Variants in DAB1 observed in about 807,000 individuals in gnomAD.
DAB1 encodes the protein disabled homolog 1.
Under a neutral mutation model 64.6 loss-of-function variants are expected in DAB1, and 15 were observed. The observed-to-expected ratio is 0.23, with a 90% CI of 0.16 to 0.36. DAB1 has a LOEUF of 0.36. Ranked by LOEUF, DAB1 falls within the 10% of genes least tolerant of loss-of-function variation. DAB1 has a pLI of 1.00. For missense variants in DAB1, 596 were observed against 706.7 expected (o/e 0.84, Z 1.78); for synonymous variants, 235 against 251.9 (o/e 0.93, Z 0.64).
rs374859401 is a variant in DAB1 at position 57,711,098 on chromosome 1, T to C, written n.552-61433A>G. ...TTGTGACCTCAGGAATAATGGCTGGTAATCATTTATCTCTACACCTTAGCA... is the reference window on the plus strand; with the variant it reads ...TTGTGACCTCAGGAATAATGGCTGGCAATCATTTATCTCTACACCTTAGCA... On this transcript the variant is annotated intron_variant and non_coding_transcript_variant, in intron 6 of 20. Coordinates refer to the DAB1 transcript ENST00000485760. 2.0e-3 allele frequency among the ~76,000 whole-genome samples: 300 copies of C among 152,334 alleles called. 2 individuals are homozygous for C. The highest frequency in any genetic ancestry group is 5.8e-3 in the African/African-American group (242 of 41,584).
chr1:58,116,834 G>A (rs1241225118), intron 5 of DAB1, among the ~76,000 whole-genome samples: 1 of 151,960 alleles, frequency 6.6e-6, no homozygotes, highest in African/African-American at 2.4e-5. Flanking sequence ...AGCTGCCAGG[G>A]CAAAAAAGAA....
intron 8 of DAB1, among the ~76,000 whole-genome samples, chr1:57,063,453 A>C (rs1164491891): frequency 6.6e-6 from 1 of 152,116 alleles, no homozygotes; most frequent in Non-Finnish European, 1.5e-5. Flanking sequence ...ATAATTATGG[A>C]AGGTTTTCAT....
intron 2 of DAB1, among the ~76,000 whole-genome samples, chr1:57,257,970 T>C (rs1448874030): frequency 1.3e-5 from 2 of 152,212 alleles, no homozygotes; most frequent in Non-Finnish European, 2.9e-5. Flanking sequence ...TAATCACACC[T>C]GCAATATCCC....
At chr1:58,433,350 A>G (rs570948111) in intron 3 of DAB1, among the ~76,000 whole-genome samples, 156 of 152,236 alleles carry the variant, frequency 1.0e-3, no homozygotes, top group African/African-American at 3.5e-3. Flanking sequence ...AGAGGATGAC[A>G]TTTGAGAAGA....
At chr1:58,088,573 C>G (rs1347822878) in intron 5 of DAB1, among the ~76,000 whole-genome samples, 2 of 151,924 alleles carry the variant, frequency 1.3e-5, no homozygotes, top group Non-Finnish European at 2.9e-5. Context: ...GAGACCCATT[C>G]AGAAAAAATA....
At chr1:58,408,234 T>G (rs338911) in intron 3 of DAB1, among the ~76,000 whole-genome samples, 59,719 of 151,620 alleles carry the variant, frequency 0.39, 12,587 homozygotes, top group African/African-American at 0.56. Flanking sequence ...CGGGACCTTT[T>G]CACCTGCTCT....
chr1:58,036,531 C>T (rs756953887), intron 5 of DAB1, among the ~76,000 whole-genome samples: 1 of 152,196 alleles, frequency 6.6e-6, no homozygotes, highest in Admixed American at 6.5e-5. Context: ...TATCACAATC[C>T]ACCAAAGGCC....
intron 4 of DAB1, among the ~76,000 whole-genome samples, chr1:58,254,057 A>C (rs1364256963): frequency 1.3e-5 from 2 of 152,188 alleles, no homozygotes; most frequent in African/African-American, 4.8e-5. Context: ...GCCCTAGAGT[A>C]ACTTATAAAC....
intron 2 of DAB1, among the ~76,000 whole-genome samples, chr1:57,287,666 G>A (rs923184855): frequency 2.6e-5 from 4 of 152,076 alleles, no homozygotes; most frequent in Non-Finnish European, 5.9e-5. Flanking sequence ...TCCTTTTAAA[G>A]TTGTATTAAT....
rs541423963 is a variant in DAB1, at chr1:58,223,479, C to T, written n.310-72891G>A. Among the ~76,000 whole-genome samples, 8 of 152,292 alleles carry T rather than the reference C, an allele frequency of 5.3e-5. No homozygotes were observed. In the South Asian group the frequency reaches 1.0e-3, roughly 20 times the overall value. On this transcript the variant is annotated intron_variant and non_coding_transcript_variant, in intron 4 of 20. Coordinates refer to the DAB1 transcript ENST00000485760. ...TCCAGTCTCTGCTTAAAGAAGGTGA[C>T]GTTCCAATTACAAATTTCCTGAGAA... is the stretch of plus-strand genomic sequence containing the variant.
intron 5 of DAB1, among the ~76,000 whole-genome samples, chr1:57,902,501 G>A (rs1032257794): frequency 6.6e-6 from 1 of 152,034 alleles, no homozygotes; most frequent in East Asian, 1.9e-4. Flanking sequence ...TCTCAATAAC[G>A]TCCTTTCAGC....
intron 5 of DAB1, among the ~76,000 whole-genome samples, chr1:58,006,313 G>T (rs1451875371): frequency 6.6e-6 from 1 of 152,166 alleles, no homozygotes; most frequent in Admixed American, 6.5e-5. Context: ...TTCCTCATGG[G>T]TAAAAGCAGA....
chr1:57,841,720 G>A (rs114999053), intron 1 of DAB1, among the ~76,000 whole-genome samples: 9,612 of 152,260 alleles, frequency 0.063, 416 homozygotes, highest in Non-Finnish European at 0.09. Flanking sequence ...ATGGAGCAGC[G>A]GAGCCCTGGG....
intron 4 of DAB1, among the ~76,000 whole-genome samples, chr1:58,258,438 C>T (rs917726856): frequency 2.0e-5 from 3 of 152,178 alleles, no homozygotes; most frequent in Non-Finnish European, 4.4e-5. Flanking sequence ...CTTTGAATGG[C>T]ACAGACGAAA....
At chr1:58,033,457 C>T (rs1222876489) in intron 5 of DAB1, among the ~76,000 whole-genome samples, 2 of 152,192 alleles carry the variant, frequency 1.3e-5, no homozygotes, top group African/African-American at 4.8e-5. Flanking sequence ...ATCACTTACC[C>T]TGTTTTGAAT....
intron 4 of DAB1, among the ~76,000 whole-genome samples, chr1:58,287,509 T>C (rs1411277130): frequency 6.6e-6 from 1 of 152,046 alleles, no homozygotes; most frequent in African/African-American, 2.4e-5. Flanking sequence ...GCTCTCATGG[T>C]TCGCAGTTGA....
At chr1:57,146,802 C>T (rs1196690601) in intron 2 of DAB1, among the ~76,000 whole-genome samples, 1 of 152,036 alleles carries the variant, frequency 6.6e-6, no homozygotes, top group African/African-American at 2.4e-5. Flanking sequence ...TTGCATTACG[C>T]TAAGTGTGTA....
downstream of DAB1, among the ~76,000 whole-genome samples, chr1:57,824,217 T>C (rs570346813): frequency 1.3e-5 from 2 of 152,258 alleles, no homozygotes; most frequent in Non-Finnish European, 2.9e-5. Context: ...AAGCCAGGAT[T>C]TGAAGCTTGG....
chr1:58,238,400 C>T lies in DAB1; in HGVS notation n.310-87812G>A, dbSNP rs189984419. Reference sequence around the variant, plus strand: ...ATTGGGGGAGAAGGGACAGCAGGTACAGAGAATAGAGACATGGGAGAGCAG... The same window carrying T: ...ATTGGGGGAGAAGGGACAGCAGGTATAGAGAATAGAGACATGGGAGAGCAG... On this transcript the variant is annotated intron_variant and non_coding_transcript_variant, in intron 4 of 20. Coordinates refer to the DAB1 transcript ENST00000485760. Among the ~76,000 whole-genome samples the T allele has an allele frequency of 6.6e-5, 10 of 152,204 alleles. No homozygotes were observed. The East Asian group carries it at 1.4e-3, about 21-fold the overall frequency.
Sources: gnomAD v4.1 joint callset for allele counts (sites outside exome capture counted in the v4.1 genomes callset) on GRCh38, gnomAD v4.1.1 for gene constraint, MANE v1.5 for transcripts, NCBI Gene and HGNC (gene_info 2026-07-23, HGNC 2026-07-21) for gene names.